The following UNC13C variants were observed in gnomAD, a reference collection of about 807,000 sequenced individuals.
UNC13C encodes protein unc-13 homolog C.
In UNC13C, 174 loss-of-function variants were observed where a neutral mutation model predicts 245.4. The observed-to-expected ratio is 0.71, with a 90% confidence interval of 0.63 to 0.80. The LOEUF (loss-of-function observed/expected upper bound fraction) is 0.80, where lower values mean the gene tolerates loss of function less well. Ranked by LOEUF, UNC13C falls within the 30% of genes least tolerant of loss-of-function variation. The pLI is 0.00. For synonymous variants in UNC13C, 992 were observed against 895.1 expected (o/e 1.11, Z -1.93); for missense variants, 2,829 against 2,602.9 (o/e 1.09, Z -1.89).
chr15:54,152,725 C>T (rs917709933), intron 4 of UNC13C, among the ~76,000 whole-genome samples: 7 of 152,074 alleles, frequency 4.6e-5, no homozygotes, highest in African/African-American at 1.4e-4. Context: ...AGCTGGGAAA[C>T]ACTGAAAATA....
intron 5 of UNC13C, among the ~76,000 whole-genome samples, chr15:54,235,725 C>T (rs1311063637): frequency 6.6e-6 from 1 of 152,146 alleles, no homozygotes; most frequent in African/African-American, 2.4e-5. Flanking sequence ...GTTGTGGGCA[C>T]CTGTAGTCCC....
intron 11 of UNC13C, among the ~76,000 whole-genome samples, chr15:54,296,313 G>T (rs1484525419): frequency 6.6e-6 from 1 of 151,658 alleles, no homozygotes; most frequent in Non-Finnish European, 1.5e-5. Flanking sequence ...CCATTCTGCT[G>T]CCTCAGCCTC....
intron 30 of UNC13C, among the ~76,000 whole-genome samples, chr15:54,616,562 C>T (rs1334088163): frequency 6.6e-6 from 1 of 151,388 alleles, no homozygotes; most frequent in East Asian, 1.9e-4. Flanking sequence ...ACAACAACAG[C>T]AACAAAAGCT....
intron 13 of UNC13C, among the ~76,000 whole-genome samples, chr15:54,316,896 A>G (rs1014434476): frequency 1.3e-5 from 2 of 151,916 alleles, no homozygotes; most frequent in African/African-American, 4.8e-5. Flanking sequence ...CTGCTGTACA[A>G]CAAAATTAGG....
chr15:53,879,942 C>T, the UNC13C span, among the ~76,000 whole-genome samples: 120 of 139,102 alleles, frequency 8.6e-4, no homozygotes, highest in African/African-American at 3.0e-3. Context: ...TATCATGCTG[C>T]GTGTGTGTGT....
At chr15:54,018,286 A>C (rs1895749723) in intron 2 of UNC13C, among the ~76,000 whole-genome samples, 1 of 152,318 alleles carries the variant, frequency 6.6e-6, no homozygotes, top group Non-Finnish European at 1.5e-5. Context: ...ACGAGGTAGC[A>C]GTGCTGTCTT....
intron 30 of UNC13C, chr15:54,609,413 C>T (rs1439125409): frequency 6.6e-6 from 1 of 152,154 alleles, no homozygotes; most frequent in Non-Finnish European, 1.5e-5. Flanking sequence ...TGGATAATAT[C>T]CTGGTCAAAA....
intron 19 of UNC13C, among the ~76,000 whole-genome samples, chr15:54,459,764 A>G (rs1891736219): frequency 6.6e-6 from 1 of 150,684 alleles, no homozygotes; most frequent in Admixed American, 6.6e-5. Flanking sequence ...TTTCTTTATG[A>G]TGTCTATTTA....
At chr15:54,403,299 G>C (rs1377848240) in intron 18 of UNC13C, among the ~76,000 whole-genome samples, 1 of 152,100 alleles carries the variant, frequency 6.6e-6, no homozygotes, top group African/African-American at 2.4e-5. Context: ...CTAGCTACTT[G>C]GGAGGATGAG....
At chr15:54,095,955 A>C (rs1193163650) in intron 2 of UNC13C, among the ~76,000 whole-genome samples, 1 of 152,202 alleles carries the variant, frequency 6.6e-6, no homozygotes, top group African/African-American at 2.4e-5. Flanking sequence ...TCCATGTCGA[A>C]TTGAGGAAAC....
At chr15:54,119,664 G>C (rs2030528762) in intron 2 of UNC13C, among the ~76,000 whole-genome samples, 1 of 152,142 alleles carries the variant, frequency 6.6e-6, no homozygotes, top group South Asian at 2.1e-4. Context: ...GGGAAGGCAT[G>C]TCGAAAGTCA....
the UNC13C span, chr15:53,914,147 C>T: frequency 8.2e-6 from 1 of 121,800 alleles, no homozygotes; most frequent in African/African-American, 3.2e-5. Flanking sequence ...GCCTGTGTGC[C>T]AAACCTGTGT....
At chr15:54,596,653 T>A (rs6493692) in intron 30 of UNC13C, among the ~76,000 whole-genome samples, 21,666 of 152,136 alleles carry the variant, frequency 0.14, 1,612 homozygotes, top group Middle Eastern at 0.24. Flanking sequence ...TCCCCCAGTG[T>A]TGGAGGTGGG....
chr15:54,604,500 C>A (rs909433883), intron 30 of UNC13C, among the ~76,000 whole-genome samples: 1 of 152,132 alleles, frequency 6.6e-6, no homozygotes, highest in Non-Finnish European at 1.5e-5. Flanking sequence ...TTTGGGGGAT[C>A]ACTGATACCT....
At chr15:54,495,683 A>C (rs1893917526) in intron 20 of UNC13C, among the ~76,000 whole-genome samples, 2 of 152,064 alleles carry the variant, frequency 1.3e-5, no homozygotes, top group African/African-American at 2.4e-5. Context: ...TTAAAAAAAT[A>C]ATGTAGGAAA....
At chr15:53,989,491 C>T (rs1051783852) in intron 1 of UNC13C, among the ~76,000 whole-genome samples, 9 of 151,758 alleles carry the variant, frequency 5.9e-5, no homozygotes, top group Admixed American at 5.9e-4. Flanking sequence ...TATAACTCCT[C>T]TTGTTTTACC....
intron 13 of UNC13C, among the ~76,000 whole-genome samples, chr15:54,310,864 T>C (rs1057447835): frequency 6.6e-5 from 10 of 151,822 alleles, no homozygotes; most frequent in African/African-American, 2.4e-4. Context: ...CCACTAATAC[T>C]GATTCATATT....
intron 4 of UNC13C, among the ~76,000 whole-genome samples, chr15:54,227,044 TCC>T (rs1391866326): frequency 6.6e-6 from 1 of 151,976 alleles, no homozygotes; most frequent in Non-Finnish European, 1.5e-5. Context: ...GGGTCCTGAG[TCC>T]TTATACTTTG....
At chr15:54,419,783 AT>A (rs1451241153) in intron 19 of UNC13C, among the ~76,000 whole-genome samples, 3 of 152,026 alleles carry the variant, frequency 2.0e-5, no homozygotes, top group Non-Finnish European at 4.4e-5. Context: ...GCTTTCTCAC[AT>A]TTTTTTGTTT....
Sources: gnomAD v4.1 joint callset for allele counts (sites outside exome capture counted in the v4.1 genomes callset) on GRCh38, gnomAD v4.1.1 for gene constraint, MANE v1.5 for transcripts, NCBI Gene and HGNC (gene_info 2026-07-23, HGNC 2026-07-21) for gene names.